Variants in FAM174A observed in about 807,000 individuals in gnomAD.
The protein encoded by FAM174A is membrane protein FAM174A.
FAM174A carries 14 observed loss-of-function variants against 14.3 expected under a neutral mutation model. The observed-to-expected ratio is 0.98, with a 90% CI of 0.65 to 1.53. FAM174A has a LOEUF of 1.53. FAM174A is among the 40% of genes most tolerant of loss of function. The pLI, the probability that FAM174A is intolerant of heterozygous loss-of-function variation, is 0.00. For missense variants in FAM174A, 241 were observed against 249.6 expected (o/e 0.97, Z 0.23); for synonymous variants, 108 against 111.4 (o/e 0.97, Z 0.19).
intron 2 of FAM174A, among the ~76,000 whole-genome samples, chr5:100,580,980 C>T (rs116170453): frequency 0.02 from 3,032 of 152,180 alleles, 110 homozygotes; most frequent in African/African-American, 0.07. Context: ...CCAGGCTGGA[C>T]TACAATGGCG....
At chr5:100,544,798 G>A (rs1026852725) in intron 1 of FAM174A, among the ~76,000 whole-genome samples, 3 of 152,218 alleles carry the variant, frequency 2.0e-5, no homozygotes, top group East Asian at 3.9e-4. Flanking sequence ...GCATTCCTCT[G>A]TAATTGATAG....
At chr5:100,584,388 T>G (rs1248516020) in intron 2 of FAM174A, among the ~76,000 whole-genome samples, 2 of 152,174 alleles carry the variant, frequency 1.3e-5, no homozygotes, top group Non-Finnish European at 2.9e-5. Flanking sequence ...AAAAACTGTT[T>G]AGGCAGATGT....
At chr5:100,580,077 C>T (rs941231205) in intron 2 of FAM174A, among the ~76,000 whole-genome samples, 1 of 152,022 alleles carries the variant, frequency 6.6e-6, no homozygotes, top group Non-Finnish European at 1.5e-5. Context: ...TATTTTAAAC[C>T]TCATTAAATT....
intron 2 of FAM174A, among the ~76,000 whole-genome samples, chr5:100,578,380 T>G (rs1451027991): frequency 6.6e-6 from 1 of 152,140 alleles, no homozygotes; most frequent in Non-Finnish European, 1.5e-5. Context: ...TTCTAAAATC[T>G]TTCTCAGTTT....
At chr5:100,564,913 A>G (rs1290319329) in intron 2 of FAM174A, among the ~76,000 whole-genome samples, 2 of 151,924 alleles carry the variant, frequency 1.3e-5, no homozygotes, top group Non-Finnish European at 2.9e-5. Context: ...GTCCAAGACC[A>G]TATGGCTTCA....
At position 100,573,196 on chromosome 5, in the gene FAM174A, G is replaced by T. The variant is rs574816372; in HGVS notation, c.569+11008G>T. ...GGTTGCGAAAATTTTCTCCCATTTT[G>T]TAGGTTGCCTGTTCACTCTGATGGT... On this transcript the variant is annotated intron_variant, in intron 2 of 2. Transcript: ENST00000312637. Among the ~76,000 whole-genome samples, 501 of 151,978 alleles carry T rather than the reference G, an allele frequency of 3.3e-3. 4 individuals carry two copies. The highest frequency in any genetic ancestry group is 0.011 in the African/African-American group (468 of 41,460).
rs566026957 is a variant in FAM174A, at chr5:100,540,599, TC to T, written c.434+4638del. Among the ~76,000 whole-genome samples the T allele has an allele frequency of 9.8e-5, 15 of 152,322 alleles. No homozygotes were observed. The South Asian group carries it at 2.3e-3, about 23-fold the overall frequency. On this transcript the variant is annotated intron_variant, in intron 1 of 2. Transcript: ENST00000312637. Reference sequence around the variant, plus strand: ...AATATTTTTTTGCAAAGGTGAAACTTCCCTTCACAAAATGTTTACTCATACA... The same window carrying T: ...AATATTTTTTTGCAAAGGTGAAACTTCCTTCACAAAATGTTTACTCATACA...
chr5:100,572,644 T>C (rs920515895), intron 2 of FAM174A, among the ~76,000 whole-genome samples: 10 of 152,084 alleles, frequency 6.6e-5, no homozygotes, highest in Non-Finnish European at 1.3e-4. Flanking sequence ...CTTAATCCAG[T>C]CTATCATTGT....
chr5:100,562,886 A>T (rs1388327050), intron 2 of FAM174A, among the ~76,000 whole-genome samples: 1 of 151,892 alleles, frequency 6.6e-6, no homozygotes, highest in Non-Finnish European at 1.5e-5. Flanking sequence ...AATGGGGAAA[A>T]AAGCCAACAA....
At chr5:100,582,213 G>A (rs1438391360) in intron 2 of FAM174A, among the ~76,000 whole-genome samples, 5 of 151,872 alleles carry the variant, frequency 3.3e-5, no homozygotes, top group Non-Finnish European at 5.9e-5. Context: ...CTGTACAAAA[G>A]AATTCTAAGT....
intron 2 of FAM174A, among the ~76,000 whole-genome samples, chr5:100,584,896 CA>C (rs1747096269): frequency 6.6e-6 from 1 of 151,594 alleles, no homozygotes; most frequent in African/African-American, 2.4e-5. Flanking sequence ...TTTGTAATGT[CA>C]TGACTTTTTT....
chr5:100,585,705 C>T (rs894595317), intron 2 of FAM174A, among the ~76,000 whole-genome samples: 4 of 152,270 alleles, frequency 2.6e-5, no homozygotes, highest in Non-Finnish European at 4.4e-5. Flanking sequence ...TGAGCCATCA[C>T]GCCCGGCCTT....
At chr5:100,570,105 T>C (rs1045287682) in intron 2 of FAM174A, among the ~76,000 whole-genome samples, 1 of 151,942 alleles carries the variant, frequency 6.6e-6, no homozygotes, top group Non-Finnish European at 1.5e-5. Flanking sequence ...ATTCTAGACA[T>C]CTGTGCTATT....
intron 1 of FAM174A, among the ~76,000 whole-genome samples, chr5:100,556,473 A>T (rs568783081): frequency 1.3e-5 from 2 of 152,060 alleles, no homozygotes; most frequent in African/African-American, 4.8e-5. Context: ...TTCCAGTTCT[A>T]TGAAGAAAGT....
chr5:100,571,475 A>C (rs1746777621), intron 2 of FAM174A, among the ~76,000 whole-genome samples: 2 of 151,246 alleles, frequency 1.3e-5, no homozygotes, highest in South Asian at 4.1e-4. Flanking sequence ...TTAGAAATCA[A>C]TTAAGTGGTG....
At chr5:100,557,544 C>T (rs493373) in intron 1 of FAM174A, among the ~76,000 whole-genome samples, 7 of 152,010 alleles carry the variant, frequency 4.6e-5, no homozygotes, top group East Asian at 1.9e-4. Flanking sequence ...TGGTAGAATT[C>T]GGCTGTGAAT....
chr5:100,535,841 C>T lies in FAM174A; in HGVS notation c.311C>T (p.Ser104Leu), dbSNP rs1201245318. The T allele has an allele frequency of 6.8e-6, 11 of 1,611,842 alleles. No homozygotes were observed. The highest frequency in any genetic ancestry group is 4.5e-5 in the East Asian group (2 of 44,854). ...CACGGAGGGAAGGCCGGGGAAGGCT[C>T]GGTGGGTGGCGGCCTTGCTGTGAGC... is the stretch of plus-strand genomic sequence containing the variant. ...DDHGGKAGEG[S>L]VGGGLAVSPN... is the part of the protein sequence containing the mutation. Residue 104 changes from serine (S) to leucine (L), a missense_variant, in exon 1 of 3, where the codon TCG becomes TTG. Coordinates refer to ENST00000312637, the MANE Select transcript of FAM174A (RefSeq NM_198507.3).
At chr5:100,555,717 C>A (rs890335488) in intron 1 of FAM174A, among the ~76,000 whole-genome samples, 4 of 152,200 alleles carry the variant, frequency 2.6e-5, no homozygotes, top group Non-Finnish European at 5.9e-5. Flanking sequence ...GTGTTGGCTG[C>A]ATAAATGTCT....
chr5:100,547,380 A>G (rs1746184852), intron 1 of FAM174A, among the ~76,000 whole-genome samples: 1 of 152,078 alleles, frequency 6.6e-6, no homozygotes, highest in African/African-American at 2.4e-5. Context: ...AAAAGCAACA[A>G]TGCACTGATT....
Sources: gnomAD v4.1 joint callset for allele counts (sites outside exome capture counted in the v4.1 genomes callset) on GRCh38, gnomAD v4.1.1 for gene constraint, MANE v1.5 for transcripts, NCBI Gene and HGNC (gene_info 2026-07-23, HGNC 2026-07-21) for gene names.